The following SUGCT variants were observed in gnomAD, a reference collection of about 807,000 sequenced individuals.
SUGCT encodes succinyl-CoA:glutarate CoA-transferase.
SUGCT carries 41 observed loss-of-function variants against 55.0 expected under a neutral mutation model. The ratio of observed to expected loss-of-function variants is 0.74; its 90% confidence interval spans 0.58 to 0.97. The LOEUF (loss-of-function observed/expected upper bound fraction) is 0.97, where lower values mean the gene tolerates loss of function less well. Ranked by LOEUF, SUGCT falls within the 50% of genes least tolerant of loss-of-function variation. The probability of loss-of-function intolerance (pLI) is 0.00; values close to 1 mark genes in which losing one functional copy is unlikely to be tolerated. For missense variants in SUGCT, 568 were observed against 547.8 expected, an observed-to-expected ratio of 1.04 and a Z score of -0.37; for synonymous variants, 187 against 200.4, an observed-to-expected ratio of 0.93 and a Z score of 0.56.
intron 6 of SUGCT, among the ~76,000 whole-genome samples, chr7:40,236,847 T>G (rs1789049330): frequency 6.6e-6 from 1 of 152,048 alleles, no homozygotes; most frequent in African/African-American, 2.4e-5. Context: ...CCTTTTTTTT[T>G]GTTTTAAAGG....
At chr7:40,414,656 C>T (rs1005037202) in intron 9 of SUGCT, among the ~76,000 whole-genome samples, 1 of 152,080 alleles carries the variant, frequency 6.6e-6, no homozygotes, top group Admixed American at 6.5e-5. Flanking sequence ...CCTGTAATCC[C>T]AGCACTTTGG....
At chr7:40,838,162 A>C (rs1268033196) in intron 13 of SUGCT, among the ~76,000 whole-genome samples, 1 of 152,190 alleles carries the variant, frequency 6.6e-6, no homozygotes, top group Non-Finnish European at 1.5e-5. Context: ...TAACTGTATA[A>C]TAATAGTTAA....
At chr7:40,409,155 A>G (rs1337901035) in intron 9 of SUGCT, among the ~76,000 whole-genome samples, 1 of 152,090 alleles carries the variant, frequency 6.6e-6, no homozygotes, top group Non-Finnish European at 1.5e-5. Flanking sequence ...GGGTTTTACC[A>G]TGATGCCCAG....
At chr7:40,989,373 T>C in the SUGCT span, among the ~76,000 whole-genome samples, 1 of 152,226 alleles carries the variant, frequency 6.6e-6, no homozygotes. Context: ...TCAATTTATG[T>C]AATTTTCTAA....
chr7:40,261,083 C>T (rs1791192777), intron 7 of SUGCT, among the ~76,000 whole-genome samples: 1 of 151,970 alleles, frequency 6.6e-6, no homozygotes, highest in Non-Finnish European at 1.5e-5. Flanking sequence ...AAAATGATTT[C>T]AGGGATATAA....
At chr7:40,217,427 G>T (rs1331667824) in intron 6 of SUGCT, 8 of 447,266 alleles carry the variant, frequency 1.8e-5, no homozygotes, top group South Asian at 1.3e-4. Flanking sequence ...GCCCAGGATG[G>T]TCTTGATCTC....
chr7:40,762,773 T>C (rs1205607651), intron 13 of SUGCT, among the ~76,000 whole-genome samples: 1 of 152,092 alleles, frequency 6.6e-6, no homozygotes, highest in Non-Finnish European at 1.5e-5. Flanking sequence ...AGCTGAATTA[T>C]AGTAATATCT....
intron 1 of SUGCT, among the ~76,000 whole-genome samples, chr7:40,164,555 T>G (rs1310808292): frequency 1.3e-5 from 2 of 152,222 alleles, no homozygotes; most frequent in African/African-American, 4.8e-5. Flanking sequence ...TTAATATTAA[T>G]TAGTTGAATT....
At chr7:41,036,058 T>C in the SUGCT span, among the ~76,000 whole-genome samples, 3 of 152,190 alleles carry the variant, frequency 2.0e-5, no homozygotes, top group Non-Finnish European at 4.4e-5. Flanking sequence ...GGCTGCAAGA[T>C]CCTTCAGGGA....
intron 12 of SUGCT, among the ~76,000 whole-genome samples, chr7:40,540,885 G>A (rs549246193): frequency 2.0e-5 from 3 of 152,302 alleles, no homozygotes; most frequent in South Asian, 4.1e-4. Flanking sequence ...CTGGCCAAGG[G>A]AAGTCATGGG....
At chr7:40,226,977 T>C (rs1253199682) in intron 6 of SUGCT, among the ~76,000 whole-genome samples, 1 of 151,136 alleles carries the variant, frequency 6.6e-6, no homozygotes, top group Non-Finnish European at 1.5e-5. Context: ...AACTAAATAA[T>C]TTTTTTAACA....
chr7:40,696,872 G>T (rs1266391973), intron 12 of SUGCT, among the ~76,000 whole-genome samples: 1 of 152,142 alleles, frequency 6.6e-6, no homozygotes, highest in Non-Finnish European at 1.5e-5. Context: ...GCAAACTAGG[G>T]TCTGTGGAAT....
chr7:40,980,854 G>T, the SUGCT span, among the ~76,000 whole-genome samples: 115 of 152,170 alleles, frequency 7.6e-4, 2 homozygotes, highest in Middle Eastern at 0.01. Flanking sequence ...ACACCACCAA[G>T]CCAGGCTAAG....
At chr7:40,716,661 A>T (rs552487079) in intron 12 of SUGCT, among the ~76,000 whole-genome samples, 1 of 152,208 alleles carries the variant, frequency 6.6e-6, no homozygotes, top group Admixed American at 6.5e-5. Context: ...TTAATATATA[A>T]TAATAGAAAA....
intron 1 of SUGCT, among the ~76,000 whole-genome samples, chr7:40,179,831 C>T (rs1199402357): frequency 2.0e-5 from 3 of 152,182 alleles, no homozygotes; most frequent in Admixed American, 6.6e-5. Flanking sequence ...CCTGCCTCTG[C>T]TGGCATCAAC....
intron 12 of SUGCT, among the ~76,000 whole-genome samples, chr7:40,553,962 A>G (rs1172062704): frequency 6.6e-6 from 1 of 152,244 alleles, no homozygotes; most frequent in African/African-American, 2.4e-5. Context: ...AACAATGACT[A>G]TCTCAAACAA....
chr7:40,275,570 A>G (rs1038189754), intron 8 of SUGCT, among the ~76,000 whole-genome samples: 2 of 152,188 alleles, frequency 1.3e-5, no homozygotes, highest in African/African-American at 2.4e-5. Context: ...TGATACAAAG[A>G]TATGCATAAT....
the SUGCT span, among the ~76,000 whole-genome samples, chr7:41,022,432 C>G: frequency 6.6e-6 from 1 of 152,038 alleles, no homozygotes; most frequent in Non-Finnish European, 1.5e-5. Flanking sequence ...TTTAAAGATG[C>G]TTACTGAAGA....
At chr7:40,432,157 G>A (rs1468143149) in intron 9 of SUGCT, among the ~76,000 whole-genome samples, 1 of 151,972 alleles carries the variant, frequency 6.6e-6, no homozygotes, top group African/African-American at 2.4e-5. Flanking sequence ...TTTACCTATG[G>A]GTTTTTCAAA....
Sources: gnomAD v4.1 joint callset for allele counts (sites outside exome capture counted in the v4.1 genomes callset) on GRCh38, gnomAD v4.1.1 for gene constraint, MANE v1.5 for transcripts, NCBI Gene and HGNC (gene_info 2026-07-23, HGNC 2026-07-21) for gene names.